The following ERBB4 variants were observed in gnomAD, a reference collection of about 807,000 sequenced individuals.
ERBB4 encodes erb-b2 receptor tyrosine kinase 4.
A neutral mutation model predicts 158.0 loss-of-function variants in ERBB4; 42 were observed. The ratio of observed to expected loss-of-function variants is 0.27; its 90% CI spans 0.21 to 0.34. The LOEUF is 0.34. ERBB4 is among the 10% of genes least tolerant of loss of function. ERBB4 has a pLI of 1.00. For missense variants in ERBB4, 1,333 were observed against 1,624.1 expected, an observed-to-expected ratio of 0.82 and a Z score of 3.08; for synonymous variants, 583 against 558.7, an observed-to-expected ratio of 1.04 and a Z score of -0.61.
chr2:211,861,623 C>G (rs905866101), intron 3 of ERBB4, among the ~76,000 whole-genome samples: 3 of 152,060 alleles, frequency 2.0e-5, no homozygotes, highest in Admixed American at 1.3e-4. Flanking sequence ...TTCTTCATCT[C>G]TCACAGGTGA....
intron 20 of ERBB4, among the ~76,000 whole-genome samples, chr2:211,554,308 G>A (rs1278976456): frequency 2.0e-5 from 3 of 152,168 alleles, no homozygotes; most frequent in African/African-American, 7.2e-5. Flanking sequence ...GGGAAATAAT[G>A]AGCCATATCT....
chr2:211,862,563 A>T (rs1482934435), intron 3 of ERBB4, among the ~76,000 whole-genome samples: 1 of 152,060 alleles, frequency 6.6e-6, no homozygotes, highest in Non-Finnish European at 1.5e-5. Context: ...CATTGCAATC[A>T]CTGATTAAAA....
intron 1 of ERBB4, among the ~76,000 whole-genome samples, chr2:212,251,357 A>G (rs1369879307): frequency 1.3e-5 from 2 of 152,040 alleles, no homozygotes; most frequent in Non-Finnish European, 2.9e-5. Context: ...TGCAGCAGGC[A>G]TCATTCTAGG....
At chr2:212,187,155 G>C (rs1027724797) in intron 1 of ERBB4, among the ~76,000 whole-genome samples, 1 of 151,980 alleles carries the variant, frequency 6.6e-6, no homozygotes, top group Non-Finnish European at 1.5e-5. Context: ...GACAGTCAAA[G>C]ATGATCTAGA....
intron 2 of ERBB4, among the ~76,000 whole-genome samples, chr2:212,089,411 T>C (rs2078708738): frequency 6.6e-6 from 1 of 152,168 alleles, no homozygotes; most frequent in Non-Finnish European, 1.5e-5. Context: ...ATGATTTGGA[T>C]TTGTGTCCCC....
At chr2:212,462,328 C>T (rs1342633981) in intron 1 of ERBB4, among the ~76,000 whole-genome samples, 6 of 152,040 alleles carry the variant, frequency 3.9e-5, no homozygotes, top group East Asian at 1.9e-4. Context: ...ACTGGCAGAA[C>T]GGGAGAGAAT....
At chr2:211,606,185 CATTAAG>C (rs2068972826) in intron 19 of ERBB4, among the ~76,000 whole-genome samples, 5 of 152,138 alleles carry the variant, frequency 3.3e-5, no homozygotes, top group African/African-American at 9.6e-5. Context: ...CTTTATGCCT[CATTAAG>C]GGAAGTCTTT....
chr2:212,513,655 C>CA (rs530290397), intron 1 of ERBB4, among the ~76,000 whole-genome samples: 182 of 152,016 alleles, frequency 1.2e-3, no homozygotes, highest in African/African-American at 3.5e-3. Flanking sequence ...ACTAAAAATA[C>CA]AAAAAATTAG....
intron 20 of ERBB4, among the ~76,000 whole-genome samples, chr2:211,507,096 C>G (rs990548785): frequency 1.3e-5 from 2 of 152,032 alleles, no homozygotes; most frequent in Non-Finnish European, 2.9e-5. Context: ...TGCACACAAA[C>G]TAGAAAATCT....
chr2:211,997,106 G>T (rs2082217843), intron 2 of ERBB4, among the ~76,000 whole-genome samples: 1 of 150,164 alleles, frequency 6.7e-6, no homozygotes, highest in Admixed American at 6.7e-5. Context: ...AGAGAGCATT[G>T]GTCAATGTAT....
chr2:212,354,277 T>C (rs1422397976), intron 1 of ERBB4, among the ~76,000 whole-genome samples: 4 of 152,086 alleles, frequency 2.6e-5, no homozygotes, highest in Non-Finnish European at 5.9e-5. Flanking sequence ...GGCAGCAAGT[T>C]TGAATCTAGG....
intron 2 of ERBB4, among the ~76,000 whole-genome samples, chr2:211,976,056 A>T (rs1286097302): frequency 6.6e-6 from 1 of 152,186 alleles, no homozygotes; most frequent in East Asian, 1.9e-4. Flanking sequence ...ATGTTGCACT[A>T]ATCTGTGGAA....
chr2:211,435,149 G>C (rs1343367419), intron 20 of ERBB4, among the ~76,000 whole-genome samples: 1 of 152,144 alleles, frequency 6.6e-6, no homozygotes, highest in Non-Finnish European at 1.5e-5. Flanking sequence ...AAAACAAACT[G>C]GATGAAGTCC....
intron 17 of ERBB4, 150 bp downstream of exon 17, chr2:211,630,312 C>T (rs1486454614): frequency 5.6e-5 from 51 of 909,186 alleles, no homozygotes; most frequent in Non-Finnish European, 8.1e-5. Context: ...TCTGATTTTT[C>T]ACAAGCTTTG....
At position 212,218,005 on chromosome 2, in the gene ERBB4, A is replaced by G. The variant is rs536142068; in HGVS notation, c.83-93102T>C. Among the ~76,000 whole-genome samples the G allele has an allele frequency of 2.9e-4, 44 of 151,450 alleles. 1 individual carries two copies. The Middle Eastern group carries it at 0.014, about 47-fold the overall frequency. ...CTATTTGTAAATTAGATGAGAAAAA[A>G]GTATATTTATTGAATACCTAATACT... On this transcript the variant is annotated intron_variant, in intron 1 of 27. Transcript: ENST00000342788.
intron 1 of ERBB4, among the ~76,000 whole-genome samples, chr2:212,462,239 A>G (rs182027015): frequency 2.2e-3 from 336 of 152,344 alleles, no homozygotes; most frequent in African/African-American, 7.8e-3. Flanking sequence ...AGAGGCAACA[A>G]AAGCAAAAAT....
chr2:211,581,847 T>C (rs1036366350), intron 19 of ERBB4, among the ~76,000 whole-genome samples: 9 of 151,834 alleles, frequency 5.9e-5, no homozygotes, highest in Non-Finnish European at 1.3e-4. Flanking sequence ...CCGTTTCCAT[T>C]AAAAATATAA....
At chr2:211,929,572 G>A (rs1217357743) in intron 3 of ERBB4, among the ~76,000 whole-genome samples, 3 of 152,066 alleles carry the variant, frequency 2.0e-5, no homozygotes, top group Non-Finnish European at 4.4e-5. Context: ...CATGTTGATA[G>A]ATATAAACAC....
chr2:211,878,659 T>TTTTTTG (rs2078579147), intron 3 of ERBB4, among the ~76,000 whole-genome samples: 1 of 147,934 alleles, frequency 6.8e-6, no homozygotes, highest in Non-Finnish European at 1.5e-5. Context: ...TAAGTTTTGT[T>TTTTTTG]TTTTTTTTTT....
Sources: gnomAD v4.1 joint callset for allele counts (sites outside exome capture counted in the v4.1 genomes callset) on GRCh38, gnomAD v4.1.1 for gene constraint, MANE v1.5 for transcripts, NCBI Gene and HGNC (gene_info 2026-07-23, HGNC 2026-07-21) for gene names.